BID: variants seen among roughly 807,000 people sequenced by gnomAD.
The protein encoded by BID is BH3 interacting domain death agonist.
A neutral mutation model predicts 17.4 loss-of-function variants in BID; 19 were observed. The observed-to-expected ratio is 1.09, with a 90% CI of 0.76 to 1.60. The LOEUF (loss-of-function observed/expected upper bound fraction) is 1.60, where lower values mean the gene tolerates loss of function less well. Among genes scored for constraint, BID ranks in the 40% most tolerant of loss-of-function variants. The pLI, the probability that BID is intolerant of heterozygous loss-of-function variation, is 0.00. For synonymous variants in BID, 108 were observed against 102.8 expected, an observed-to-expected ratio of 1.05 and a Z score of -0.31; for missense variants, 226 against 256.0, an observed-to-expected ratio of 0.88 and a Z score of 0.80.
chr22:17,747,454 G>A (rs1337370406), intron 2 of BID, among the ~76,000 whole-genome samples: 3 of 152,048 alleles, frequency 2.0e-5, no homozygotes, highest in Non-Finnish European at 2.9e-5. Flanking sequence ...CCAAGTAGCT[G>A]GGGTTACAGG....
In BID at chr22:17,739,609, T is replaced by G. The variant is rs1367808765; in HGVS notation, c.224-121A>C. ...GCGATGGGACAAGGCCAGCCCCCAC[T>G]GGGCACGTGCTCCACTCCACCAGGG... On this transcript the variant is annotated intron_variant, in intron 3 of 5. Coordinates refer to ENST00000622694, the MANE Select transcript of BID (RefSeq NM_001196.4). 3.8e-6 allele frequency: 5 copies of G among 1,315,124 alleles called. No individual in the cohort carries two copies. The African/African-American group carries it at 4.4e-5, about 11-fold the overall frequency. 81.5% of individuals were successfully genotyped at this position (1,315,124 alleles called of 1,614,324 possible). A position where few individuals can be genotyped will look rare whatever the true frequency, so the allele number is the denominator to read the frequency against.
intron 5 of BID, among the ~76,000 whole-genome samples, chr22:17,736,836 C>A (rs980724960): frequency 6.6e-6 from 1 of 151,320 alleles, no homozygotes; most frequent in Non-Finnish European, 1.5e-5. Flanking sequence ...GACAGTCTTA[C>A]CCCATCATCC....
chr22:17,755,074 T>C (rs571672827), intron 1 of BID, among the ~76,000 whole-genome samples: 129 of 139,870 alleles, frequency 9.2e-4, no homozygotes, highest in African/African-American at 3.4e-3. Context: ...AATTTCTTTT[T>C]TTCTTTTCTT....
intron 3 of BID, among the ~76,000 whole-genome samples, chr22:17,741,917 C>A (rs888832487): frequency 6.6e-6 from 1 of 152,234 alleles, no homozygotes; most frequent in Admixed American, 6.5e-5. Flanking sequence ...TGATTCCCTG[C>A]AGAGCAGAGC....
intron 1 of BID, among the ~76,000 whole-genome samples, chr22:17,753,009 C>G (rs1412672443): frequency 7.2e-6 from 1 of 139,436 alleles, no homozygotes; most frequent in African/African-American, 2.7e-5. Flanking sequence ...CTCTGTCACC[C>G]AGGCTGGAGT....
In BID at chr22:17,747,000, C is replaced by T. The variant is rs5007658; in HGVS notation, c.13-2987G>A. On this transcript the variant is annotated intron_variant, in intron 2 of 5. Coordinates refer to ENST00000622694, the MANE Select transcript of BID (RefSeq NM_001196.4). ...TAAATTGGCATCCAGAATCTGGACA[C>T]AGAGCGGTGCTGCCACCACAGCAGG... 2.7e-3 allele frequency among the ~76,000 whole-genome samples: 412 copies of T among 152,338 alleles called. 1 individual carries two copies. Among genetic ancestry groups the T allele is most frequent in the African/African-American group, 9.4e-3 (390 of 41,584 alleles).
chr22:17,750,234 G>A (rs181405), intron 1 of BID, 60 bp from the exon 2 acceptor site: 674,086 of 1,461,104 alleles, frequency 0.46, 162,393 homozygotes, highest in East Asian at 0.75. Flanking sequence ...AGGACCCCTC[G>A]GGAGGACGAC....
intron 1 of BID, among the ~76,000 whole-genome samples, chr22:17,766,000 C>T (rs2061675434): frequency 6.6e-6 from 1 of 152,184 alleles, no homozygotes; most frequent in Non-Finnish European, 1.5e-5. Flanking sequence ...GCAGTCACAG[C>T]TCACTACAGC....
intron 3 of BID, among the ~76,000 whole-genome samples, chr22:17,742,002 CTTGCTTCAGT>C (rs970062885): frequency 6.6e-6 from 1 of 152,216 alleles, no homozygotes; most frequent in Non-Finnish European, 1.5e-5. Flanking sequence ...GCTTATCCAC[CTTGCTTCAGT>C]TACGGACACG....
In BID at chr22:17,742,172, C is replaced by T. The variant is rs543226480; in HGVS notation, c.223+1631G>A. Among the ~76,000 whole-genome samples the T allele has an allele frequency of 2.1e-4, 32 of 152,344 alleles. No homozygotes were observed. In the South Asian group the frequency reaches 6.2e-3, roughly 30 times the overall value. On this transcript the variant is annotated intron_variant, in intron 3 of 5. Coordinates refer to ENST00000622694, the MANE Select transcript of BID (RefSeq NM_001196.4). ...TTCCAGGCTCGCCAGGGACTAGATT[C>T]ACAGTCCCTGTCACCTGCAGGCTAA... is the stretch of plus-strand genomic sequence containing the variant.
chr22:17,736,542 G>T (rs1413805111), intron 5 of BID, among the ~76,000 whole-genome samples: 1 of 152,034 alleles, frequency 6.6e-6, no homozygotes, highest in African/African-American at 2.4e-5. Flanking sequence ...TTTCCATTTG[G>T]GTCTATGAAA....
chr22:17,770,138 C>G (rs1470092371), intron 1 of BID, among the ~76,000 whole-genome samples: 1 of 152,146 alleles, frequency 6.6e-6, no homozygotes, highest in Non-Finnish European at 1.5e-5. Flanking sequence ...CACCCCAGCC[C>G]TGACCCCAGA....
chr22:17,766,328 C>G (rs2061678493), intron 1 of BID, among the ~76,000 whole-genome samples: 2 of 147,906 alleles, frequency 1.4e-5, no homozygotes, highest in South Asian at 4.3e-4. Context: ...GTCGCCCAGG[C>G]TGGAGTGCAG....
At chr22:17,752,847 C>T (rs183566295) in intron 1 of BID, among the ~76,000 whole-genome samples, 49 of 150,252 alleles carry the variant, frequency 3.3e-4, no homozygotes, top group Non-Finnish European at 5.6e-4. Context: ...TTGTATTTTT[C>T]GTACAGACGG....
At chr22:17,748,612 G>T (rs372682063) in intron 2 of BID, among the ~76,000 whole-genome samples, 1 of 152,234 alleles carries the variant, frequency 6.6e-6, no homozygotes, top group South Asian at 2.1e-4. Context: ...GGAGTGTTTC[G>T]CTGTGACCCC....
intron 1 of BID, among the ~76,000 whole-genome samples, chr22:17,765,074 C>T (rs1168285054): frequency 1.3e-5 from 2 of 152,048 alleles, no homozygotes; most frequent in Admixed American, 6.6e-5. Context: ...GAGAATTTGC[C>T]GAGTCAGTAA....
intron 1 of BID, among the ~76,000 whole-genome samples, chr22:17,756,326 C>T (rs756251151): frequency 1.3e-5 from 2 of 152,232 alleles, no homozygotes; most frequent in Non-Finnish European, 2.9e-5. Context: ...AAACTGGGCC[C>T]AACAGCCACA....
At chr22:17,739,065 G>A (rs1055677187) in intron 4 of BID, among the ~76,000 whole-genome samples, 8 of 152,348 alleles carry the variant, frequency 5.3e-5, no homozygotes, top group Non-Finnish European at 7.3e-5. Context: ...CAAAGGAAGC[G>A]TCTGTTTCTT....
chr22:17,740,310 A>G, intron 3 of BID: 1 of 759,100 alleles, frequency 1.3e-6, no homozygotes, highest in South Asian at 1.6e-5. Flanking sequence ...GTGGTCATGC[A>G]TGCCTGTAAT....
Sources: gnomAD v4.1 joint callset for allele counts (sites outside exome capture counted in the v4.1 genomes callset) on GRCh38, gnomAD v4.1.1 for gene constraint, MANE v1.5 for transcripts, NCBI Gene and HGNC (gene_info 2026-07-23, HGNC 2026-07-21) for gene names.